ZNF536: variants seen among roughly 807,000 people sequenced by gnomAD.
The protein encoded by ZNF536 is zinc finger protein 536.
ZNF536 carries 13 observed loss-of-function variants against 84.5 expected under a neutral mutation model. The ratio of observed to expected loss-of-function variants is 0.15; its 90% confidence interval spans 0.10 to 0.24. The LOEUF is 0.24. ZNF536 is among the 10% of genes least tolerant of loss of function. The pLI, the probability that ZNF536 is intolerant of heterozygous loss-of-function variation, is 1.00. For synonymous variants in ZNF536, 811 were observed against 742.5 expected, an observed-to-expected ratio of 1.09 and a Z score of -1.50; for missense variants, 1,536 against 1,747.5, an observed-to-expected ratio of 0.88 and a Z score of 2.16.
intron 4 of ZNF536, among the ~76,000 whole-genome samples, chr19:30,549,882 A>G (rs1486367520): frequency 2.0e-5 from 3 of 152,198 alleles, no homozygotes; most frequent in Admixed American, 2.0e-4. Context: ...ATTCTTCAGT[A>G]TTTTCAATTT....
chr19:30,402,244 G>A (rs1388122605), intron 1 of ZNF536, among the ~76,000 whole-genome samples: 1 of 151,872 alleles, frequency 6.6e-6, no homozygotes, highest in African/African-American at 2.4e-5. Context: ...CTGTCTCGGT[G>A]CTTACTAGCT....
intron 1 of ZNF536, among the ~76,000 whole-genome samples, chr19:30,405,038 G>A (rs1376860479): frequency 6.6e-6 from 1 of 152,222 alleles, no homozygotes; most frequent in African/African-American, 2.4e-5. Flanking sequence ...AGGCGTAGGG[G>A]AATGTATGGG....
At chr19:30,304,278 C>T (rs1018997018) in intron 2 of ZNF536, among the ~76,000 whole-genome samples, 3 of 152,204 alleles carry the variant, frequency 2.0e-5, no homozygotes, top group South Asian at 2.1e-4. Context: ...GAGAAAACGG[C>T]GCAGACGAAG....
chr19:30,539,560 A>G (rs951385064), intron 3 of ZNF536, among the ~76,000 whole-genome samples: 2 of 152,192 alleles, frequency 1.3e-5, no homozygotes, highest in African/African-American at 4.8e-5. Flanking sequence ...GCAAACATCT[A>G]GTTGTAACAT....
In ZNF536 at chr19:30,445,384, T is replaced by C. The variant is rs2052274931; in HGVS notation, c.1822T>C (p.Leu608=). 1.2e-6 allele frequency: 2 copies of C among 1,613,958 alleles called. No homozygotes were observed. Among genetic ancestry groups the C allele is most frequent in the Non-Finnish European group, 1.7e-6 (2 of 1,180,010 alleles). The change falls in exon 2 of 5, where the codon TTG becomes CTG. Residue 608 remains leucine, a synonymous_variant. Transcript: ENST00000355537. This position sits in a 1 kb window ranked among gnomAD's most constrained non-coding sequence, Gnocchi z 4.5. ...LDPLESSRDF[L]SHGLNQTLEY... ...CCCTTTAGAAAGCAGTCGGGATTTT[T>C]TGTCACACGGGCTGAACCAGACTCT...
chr19:30,648,426 C>T (rs771177327), intron 1 of ZNF536, among the ~76,000 whole-genome samples: 1 of 152,192 alleles, frequency 6.6e-6, no homozygotes, highest in Non-Finnish European at 1.5e-5. Context: ...GCTCGACCTA[C>T]ATCACACCAA....
At chr19:30,347,664 G>C (rs887215742) in intron 2 of ZNF536, among the ~76,000 whole-genome samples, 6 of 152,146 alleles carry the variant, frequency 3.9e-5, no homozygotes, top group Admixed American at 1.3e-4. Context: ...AGAATGTCTT[G>C]GTGTCTAGTA....
chr19:30,558,735 A>G (rs901152978), downstream of ZNF536, among the ~76,000 whole-genome samples: 4 of 152,092 alleles, frequency 2.6e-5, no homozygotes, highest in Non-Finnish European at 4.4e-5. Flanking sequence ...GGGTCCTGCC[A>G]TTTCAACGGT....
At chr19:30,400,545 T>C (rs186202427) in intron 1 of ZNF536, among the ~76,000 whole-genome samples, 8 of 152,312 alleles carry the variant, frequency 5.3e-5, no homozygotes, top group Admixed American at 1.3e-4. Context: ...ATATTATTTA[T>C]TGAGTTGAGT....
At chr19:30,610,981 G>A (rs1443719515) in intron 1 of ZNF536, among the ~76,000 whole-genome samples, 5 of 152,162 alleles carry the variant, frequency 3.3e-5, no homozygotes, top group African/African-American at 7.2e-5. Context: ...GCAATCATTC[G>A]CTCAGTTGTG....
At chr19:30,534,812 T>C in intron 2 of ZNF536, 35 bp from the exon 3 acceptor site, 2 of 1,584,658 alleles carry the variant, frequency 1.3e-6, no homozygotes, top group African/African-American at 2.7e-5. Flanking sequence ...TGACATGTGC[T>C]GAAGTGATGT....
chr19:30,525,528 C>T (rs2044538946), intron 2 of ZNF536, among the ~76,000 whole-genome samples: 1 of 152,196 alleles, frequency 6.6e-6, no homozygotes, highest in African/African-American at 2.4e-5. Context: ...CCCTGTTCTC[C>T]TGGAGCTGAC....
intron 1 of ZNF536, among the ~76,000 whole-genome samples, chr19:30,231,330 G>A (rs1022979057): frequency 1.3e-5 from 2 of 152,216 alleles, no homozygotes; most frequent in African/African-American, 4.8e-5. Context: ...GGGGTGGTCA[G>A]GTGGCATCTC....
At chr19:30,586,727 G>A (rs1047474523) in intron 1 of ZNF536, among the ~76,000 whole-genome samples, 5 of 152,182 alleles carry the variant, frequency 3.3e-5, no homozygotes, top group African/African-American at 1.2e-4. Flanking sequence ...AATAGTGTGT[G>A]GATGGAGAGT....
At chr19:30,703,932 G>A (rs1047879126) in intron 1 of ZNF536, among the ~76,000 whole-genome samples, 10 of 152,202 alleles carry the variant, frequency 6.6e-5, no homozygotes, top group Non-Finnish European at 1.2e-4. Flanking sequence ...TTGAAGTTCA[G>A]GGTGCTAGTA....
intron 1 of ZNF536, among the ~76,000 whole-genome samples, chr19:30,594,502 G>A (rs181968763): frequency 6.8e-4 from 103 of 152,302 alleles, no homozygotes; most frequent in African/African-American, 2.5e-3. Flanking sequence ...TCCAGCACTA[G>A]CTGCTGCCTT....
chr19:30,706,308 C>T (rs1428647988), intron 1 of ZNF536, among the ~76,000 whole-genome samples: 1 of 151,964 alleles, frequency 6.6e-6, no homozygotes, highest in Non-Finnish European at 1.5e-5. Context: ...CACGGTGAAA[C>T]CCCGTCTCTA....
In ZNF536 at chr19:30,680,818, G is replaced by A. The variant is rs528389955; in HGVS notation, c.170-29939G>A. Among the ~76,000 whole-genome samples the A allele has an allele frequency of 2.6e-5, 4 of 152,128 alleles. No individual in the cohort carries two copies. In the South Asian group the frequency reaches 8.3e-4, roughly 31 times the overall value. On this transcript the variant is annotated intron_variant, in intron 1 of 1. Transcript: ENST00000592773. ...GTATTTCTAGTTCTAGATCCCTGAG[G>A]AATCGCCACACTGACTTCCACAATG... is the stretch of plus-strand genomic sequence containing the variant.
intron 1 of ZNF536, among the ~76,000 whole-genome samples, chr19:30,581,826 C>T (rs1014461285): frequency 6.6e-6 from 1 of 152,072 alleles, no homozygotes; most frequent in African/African-American, 2.4e-5. Flanking sequence ...CCCAGCTACT[C>T]GGGAAGCTGA....
Sources: gnomAD v4.1 joint callset for allele counts (sites outside exome capture counted in the v4.1 genomes callset) on GRCh38, gnomAD v4.1.1 for gene constraint, Gnocchi (gnomAD v3.1) non-coding constraint, MANE v1.5 for transcripts, NCBI Gene and HGNC (gene_info 2026-07-23, HGNC 2026-07-21) for gene names.